MRO: variants seen among roughly 807,000 people sequenced by gnomAD.
MRO encodes protein maestro.
In MRO, 28 loss-of-function variants were observed where a neutral mutation model predicts 31.0. The ratio of observed to expected loss-of-function variants is 0.90; its 90% CI spans 0.67 to 1.24. The LOEUF is 1.24. MRO is among the 50% of genes most tolerant of loss of function. The pLI, the probability that MRO is intolerant of heterozygous loss-of-function variation, is 0.00. For missense variants in MRO, 332 were observed against 289.2 expected, an observed-to-expected ratio of 1.15 and a Z score of -1.07; for synonymous variants, 108 against 108.4, an observed-to-expected ratio of 1.00 and a Z score of 0.02.
chr18:50,800,978 G>C (rs1231370613), intron 6 of MRO, among the ~76,000 whole-genome samples: 3 of 151,780 alleles, frequency 2.0e-5, no homozygotes, highest in Non-Finnish European at 4.4e-5. Flanking sequence ...GAAAAGAAAA[G>C]AAGCCATGGG....
chr18:50,799,943 G>A (rs1286325466), intron 7 of MRO, 93 bp downstream of exon 7: 4 of 851,950 alleles, frequency 4.7e-6, no homozygotes, highest in Non-Finnish European at 7.6e-6. Flanking sequence ...CATTTTAAGG[G>A]GGTAACTCTT....
chr18:50,799,818 C>G (rs914848528), intron 7 of MRO, among the ~76,000 whole-genome samples: 1 of 152,024 alleles, frequency 6.6e-6, no homozygotes. Context: ...AGCTGAGGCA[C>G]GAGAATCACT....
chr18:50,819,565 C>T lies in MRO; in HGVS notation c.-5+16G>A, dbSNP rs1599047141. On this transcript the variant is annotated intron_variant, in intron 2 of 7. Coordinates refer to ENST00000398439, the MANE Select transcript of MRO (RefSeq NM_031939.6). ...TCCCGCTGCATCTGGCTGCCCCGGC[C>T]AACAGTGTCCCTTACCTGCGGCTCC... The T allele has an allele frequency of 1.3e-6, 2 of 1,551,346 alleles. No individual in the cohort carries two copies. Among genetic ancestry groups the T allele is most frequent in the East Asian group, 2.4e-5 (1 of 40,928 alleles).
Position 50,806,947 on chromosome 18 carries a change from C to G in MRO, c.100-97G>C, listed in dbSNP as rs114528990. On this transcript the variant is annotated intron_variant, in intron 3 of 7. Transcript: ENST00000398439. The stretch of plus-strand genomic sequence containing the variant: ...CCTCTAAAGAAAATCCCGTGATTGC[C>G]TGCTCAATTTTACCCCTTCTTTCTC... The G allele has an allele frequency of 1.2e-4, 149 of 1,276,008 alleles. No individual in the cohort carries two copies. In the African/African-American group the frequency reaches 2.0e-3, roughly 17 times the overall value. 79.0% of individuals were successfully genotyped at this position (1,276,008 alleles called of 1,614,324 possible).
At chr18:50,805,377 G>T (rs746927161) in intron 4 of MRO, 41 bp from the exon 5 acceptor site, 1 of 1,573,714 alleles carries the variant, frequency 6.4e-7, no homozygotes, top group Admixed American at 1.7e-5. Flanking sequence ...CACAGGAACT[G>T]CTCCCCATAG....
intron 5 of MRO, among the ~76,000 whole-genome samples, chr18:50,803,839 A>G (rs1380636727): frequency 6.6e-6 from 1 of 152,210 alleles, no homozygotes; most frequent in Non-Finnish European, 1.5e-5. Context: ...GGAGATGCAA[A>G]TCTCTCTGGG....
At chr18:50,818,329 C>T (rs148707195) in intron 2 of MRO, among the ~76,000 whole-genome samples, 2 of 152,138 alleles carry the variant, frequency 1.3e-5, no homozygotes, top group Non-Finnish European at 2.9e-5. Context: ...ATTTGGAAGC[C>T]AAAGACACAG....
At chr18:50,822,919 G>A (rs548219609), upstream of MRO, among the ~76,000 whole-genome samples, 1 of 152,130 alleles carries the variant, frequency 6.6e-6, no homozygotes, top group Admixed American at 6.5e-5. Context: ...ACCAGTAGAG[G>A]ACTTGGGACT....
At chr18:50,806,073 G>A (rs992645237) in intron 4 of MRO, among the ~76,000 whole-genome samples, 1 of 151,688 alleles carries the variant, frequency 6.6e-6, no homozygotes, top group African/African-American at 2.4e-5. Flanking sequence ...GCAGGCACAT[G>A]CCACCATGCC....
intron 4 of MRO, 83 bp downstream of exon 4, chr18:50,806,621 C>A: frequency 6.6e-7 from 1 of 1,526,624 alleles, no homozygotes; most frequent in Non-Finnish European, 9.0e-7. Context: ...ACAACAGACA[C>A]CATACTCCAG....
intron 2 of MRO, among the ~76,000 whole-genome samples, chr18:50,817,618 C>T (rs945639800): frequency 1.7e-5 from 2 of 115,914 alleles, no homozygotes; most frequent in Non-Finnish European, 3.9e-5. Flanking sequence ...CCTGGTGATG[C>T]TACACGCCTG....
intron 2 of MRO, among the ~76,000 whole-genome samples, chr18:50,816,416 G>A (rs1171529412): frequency 1.3e-5 from 2 of 152,120 alleles, no homozygotes; most frequent in African/African-American, 4.8e-5. Flanking sequence ...AAAAATTAAG[G>A]AATTTTTAAC....
intron 5 of MRO, 146 bp downstream of exon 5, chr18:50,805,008 T>C: frequency 1.7e-6 from 1 of 603,636 alleles, no homozygotes; most frequent in Non-Finnish European, 2.9e-6. Context: ...GCCAGGATGG[T>C]CTCGATCTCC....
At chr18:50,802,736 T>C (rs1241487361) in intron 5 of MRO, among the ~76,000 whole-genome samples, 1 of 152,136 alleles carries the variant, frequency 6.6e-6, no homozygotes, top group East Asian at 1.9e-4. Flanking sequence ...GTTTTTGTTT[T>C]TGTTTTAGAG....
chr18:50,804,590 C>T (rs1311554722), intron 5 of MRO, among the ~76,000 whole-genome samples: 14 of 151,218 alleles, frequency 9.3e-5, no homozygotes. Flanking sequence ...CACACCATTG[C>T]ACTCCAGCCT....
chr18:50,810,303 T>G (rs745582987), intron 2 of MRO, among the ~76,000 whole-genome samples: 3 of 152,232 alleles, frequency 2.0e-5, no homozygotes, highest in African/African-American at 4.8e-5. Flanking sequence ...TTACAACGAC[T>G]GCTATGCAGT....
At chr18:50,825,008 G>A (rs375764224), upstream of MRO, among the ~76,000 whole-genome samples, 22 of 149,660 alleles carry the variant, frequency 1.5e-4, 1 homozygote, top group East Asian at 1.2e-3. Flanking sequence ...GGCAGAGGTC[G>A]CAGTGAGCCG....
intron 7 of MRO, among the ~76,000 whole-genome samples, chr18:50,799,629 G>T (rs1913097422): frequency 6.6e-6 from 1 of 152,136 alleles, no homozygotes; most frequent in African/African-American, 2.4e-5. Context: ...CAGTTGGCTT[G>T]GCCGGGCATG....
chr18:50,821,422 A>T (rs1463226721), upstream of MRO, among the ~76,000 whole-genome samples: 1 of 152,182 alleles, frequency 6.6e-6, no homozygotes, highest in Non-Finnish European at 1.5e-5. Flanking sequence ...TTTCAGTAAA[A>T]CCAGAGTTAG....
Sources: allele counts gnomAD v4.1 joint callset (sites outside exome capture counted in the v4.1 genomes callset), GRCh38; gene constraint gnomAD v4.1.1; transcripts MANE v1.5; gene names NCBI Gene and HGNC (gene_info 2026-07-23, HGNC 2026-07-21).